GINM1: variants seen among roughly 807,000 people sequenced by gnomAD.
GINM1 encodes glycosylated integral membrane protein 1.
In GINM1, 29 loss-of-function variants were observed where a neutral mutation model predicts 37.8. The observed-to-expected ratio is 0.77, with a 90% CI of 0.57 to 1.05. GINM1 has a LOEUF of 1.05. Among genes scored for constraint, GINM1 ranks in the 50% least tolerant of loss-of-function variants. The probability of loss-of-function intolerance (pLI) is 0.00; values close to 1 mark genes in which losing one functional copy is unlikely to be tolerated. For missense variants in GINM1, 377 were observed against 397.9 expected (o/e 0.95, Z 0.45); for synonymous variants, 143 against 146.2 (o/e 0.98, Z 0.16).
At position 149,591,599 on chromosome 6, in the gene GINM1, A is replaced by G. The variant is rs1778156125; in HGVS notation, c.*761A>G. 6.6e-6 allele frequency: 1 copy of G among 152,190 alleles called. No individual in the cohort carries two copies. The highest frequency in any genetic ancestry group is 2.1e-4 in the South Asian group (1 of 4,832). 9.4% of individuals were successfully genotyped at this position (152,190 alleles called of 1,614,324 possible). The stretch of plus-strand genomic sequence containing the variant: ...AGTACAGTGTGCCTTTATATTAAGT[A>G]TGTGACTCAGTATAAAATCACTGAA... On this transcript the variant is annotated 3_prime_UTR_variant, in exon 8 of 8. Coordinates refer to ENST00000367419, the MANE Select transcript of GINM1 (RefSeq NM_138785.5).
intron 3 of GINM1, among the ~76,000 whole-genome samples, chr6:149,574,320 G>A (rs989526833): frequency 6.9e-6 from 1 of 144,672 alleles, no homozygotes; most frequent in Non-Finnish European, 1.5e-5. Flanking sequence ...CCAAAGTGCT[G>A]GGATTACAGG....
chr6:149,571,751 T>C (rs933246546), intron 1 of GINM1, among the ~76,000 whole-genome samples: 6 of 151,896 alleles, frequency 4.0e-5, no homozygotes, highest in East Asian at 1.9e-4. Flanking sequence ...TATATACTCA[T>C]GTGATACTTT....
At chr6:149,577,987 T>A (rs1403518320) in intron 3 of GINM1, 3 of 152,118 alleles carry the variant, frequency 2.0e-5, no homozygotes, top group African/African-American at 7.2e-5. Flanking sequence ...CAGAGAGAAA[T>A]GACAGGCCTC....
chr6:149,589,086 G>A (rs1261913027), intron 7 of GINM1, among the ~76,000 whole-genome samples: 1 of 151,618 alleles, frequency 6.6e-6, no homozygotes, highest in African/African-American at 2.4e-5. Context: ...TTGCAGGCGT[G>A]AGCCACCGTG....
At chr6:149,585,415 G>C (rs1184945379) in intron 7 of GINM1, among the ~76,000 whole-genome samples, 1 of 151,950 alleles carries the variant, frequency 6.6e-6, no homozygotes, top group Non-Finnish European at 1.5e-5. Context: ...ATGTACACTA[G>C]ATAATCATAA....
Position 149,590,754 on chromosome 6 carries a change from C to A in GINM1, c.909C>A (p.Asp303Glu). The change falls in exon 8 of 8, where the codon GAC becomes GAA. Residue 303 changes from aspartate (D) to glutamate (E), a missense_variant. Coordinates refer to ENST00000367419, the MANE Select transcript of GINM1 (RefSeq NM_138785.5). ...YKGILQLDKV[D>E]VIPVTAINLY... The stretch of plus-strand genomic sequence containing the variant: ...GAATTCTTCAGTTGGATAAAGTGGA[C>A]GTCATACCTGTGACAGCTATCAACT... 6.3e-7 allele frequency: 1 copy of A among 1,587,556 alleles called. No homozygotes were observed. Among genetic ancestry groups the A allele is most frequent in the Non-Finnish European group, 8.6e-7 (1 of 1,156,782 alleles).
chr6:149,574,952 T>G (rs140952564), intron 3 of GINM1, among the ~76,000 whole-genome samples: 2 of 152,224 alleles, frequency 1.3e-5, no homozygotes, highest in African/African-American at 4.8e-5. Context: ...AACACTTAAA[T>G]TCCATTTATT....
chr6:149,580,822 C>A, intron 6 of GINM1, 99 bp downstream of exon 6: 1 of 1,041,840 alleles, frequency 9.6e-7, no homozygotes, highest in Non-Finnish European at 1.4e-6. Context: ...AAGAATGGAA[C>A]TGTAGAGCAT....
At chr6:149,588,992 A>AC (rs1778113291) in intron 7 of GINM1, among the ~76,000 whole-genome samples, 1 of 151,978 alleles carries the variant, frequency 6.6e-6, no homozygotes, top group South Asian at 2.1e-4. Context: ...TTTAGTAGAG[A>AC]TGGGTTTCAC....
rs974388220 is a variant in GINM1, at chr6:149,585,666, C to T, written c.881+3063C>T. ...GAAGTGCAGTGGCACAATCTCGGCT[C>T]GCTGCAAGCTCCACCTCCCGGGTTC... On this transcript the variant is annotated intron_variant, in intron 7 of 7. Transcript: ENST00000367419. Among the ~76,000 whole-genome samples, 6 of 152,200 alleles carry T rather than the reference C, an allele frequency of 3.9e-5. No homozygotes were observed. The South Asian group carries it at 1.0e-3, about 26-fold the overall frequency.
rs766884857 is a variant in GINM1 at position 149,590,754 on chromosome 6, C to T, written c.909C>T (p.Asp303=). 6.3e-6 allele frequency: 10 copies of T among 1,587,554 alleles called. No homozygotes were observed. The highest frequency in any genetic ancestry group is 2.7e-5 in the African/African-American group (2 of 74,436). The change falls in exon 8 of 8, where the codon GAC becomes GAT. Residue 303 remains aspartate (D), a synonymous_variant. Transcript: ENST00000367419. ...GAATTCTTCAGTTGGATAAAGTGGA[C>T]GTCATACCTGTGACAGCTATCAACT... ...YKGILQLDKV[D]VIPVTAINLY... is the part of the protein sequence containing the mutation.
At chr6:149,572,849 A>T (rs977940541) in intron 3 of GINM1, among the ~76,000 whole-genome samples, 1 of 152,152 alleles carries the variant, frequency 6.6e-6, no homozygotes, top group African/African-American at 2.4e-5. Flanking sequence ...TTTAGTAGAG[A>T]CAGGGTTTCG....
chr6:149,588,889 C>T (rs1778111941), intron 7 of GINM1, among the ~76,000 whole-genome samples: 1 of 151,968 alleles, frequency 6.6e-6, no homozygotes, highest in Admixed American at 6.6e-5. Flanking sequence ...CTGCAACCTC[C>T]ACCTCCTGGT....
At chr6:149,573,857 T>C (rs1777868538) in intron 3 of GINM1, among the ~76,000 whole-genome samples, 1 of 148,752 alleles carries the variant, frequency 6.7e-6, no homozygotes, top group African/African-American at 2.5e-5. Context: ...AGGTAGTAAA[T>C]GGGATAGCAA....
intron 5 of GINM1, 41 bp from the exon 6 acceptor site, chr6:149,580,552 G>A: frequency 6.3e-7 from 1 of 1,580,334 alleles, no homozygotes; most frequent in Non-Finnish European, 8.6e-7. Flanking sequence ...AGTAGGATAA[G>A]ACACCAGCAT....
intron 4 of GINM1, 139 bp from the exon 5 acceptor site, chr6:149,579,695 C>CAAAA: frequency 1.0e-5 from 4 of 391,410 alleles, no homozygotes; most frequent in South Asian, 8.5e-5. Flanking sequence ...AACTCCATCT[C>CAAAA]AAAAAAAAAA....
In GINM1 at chr6:149,572,305, AACTACACTGAAAGATG is replaced by A; in HGVS notation, c.143_158del (p.Thr48MetfsTer13). The A allele has an allele frequency of 6.3e-7, 1 of 1,599,582 alleles. No individual in the cohort carries two copies. The highest frequency in any genetic ancestry group is 8.5e-7 in the Non-Finnish European group (1 of 1,173,298). ...TACAGGACGGCATCAGAATTAATGT[AACTACACTGAAAGATG>A]ATGGGGACATATCTAAACAGCAGGT... On this transcript the variant is annotated frameshift_variant, in exon 2 of 8. Coordinates refer to ENST00000367419, the MANE Select transcript of GINM1 (RefSeq NM_138785.5). LOFTEE classifies it high-confidence loss of function.
At chr6:149,569,803 T>C (rs953160082) in intron 1 of GINM1, among the ~76,000 whole-genome samples, 1 of 152,128 alleles carries the variant, frequency 6.6e-6, no homozygotes, top group Non-Finnish European at 1.5e-5. Context: ...AAGACACTTA[T>C]GTCCCCAGTG....
intron 7 of GINM1, among the ~76,000 whole-genome samples, chr6:149,588,031 C>T (rs1778100108): frequency 6.6e-6 from 1 of 152,186 alleles, no homozygotes; most frequent in Non-Finnish European, 1.5e-5. Flanking sequence ...TTAATATAAC[C>T]ATTCCTCTAA....
Sources: allele counts gnomAD v4.1 joint callset (sites outside exome capture counted in the v4.1 genomes callset), GRCh38; gene constraint gnomAD v4.1.1; transcripts MANE v1.5; gene names NCBI Gene and HGNC (gene_info 2026-07-23, HGNC 2026-07-21).